MCC: variants seen among roughly 807,000 people sequenced by gnomAD.
MCC encodes MCC regulator of Wnt signaling pathway.
In MCC, 90 loss-of-function variants were observed where a neutral mutation model predicts 116.2. The ratio of observed to expected loss-of-function variants is 0.77; its 90% CI spans 0.65 to 0.92. The LOEUF (loss-of-function observed/expected upper bound fraction) is 0.92, where lower values mean the gene tolerates loss of function less well. MCC is among the 40% of genes least tolerant of loss of function. MCC has a pLI of 0.00. For synonymous variants in MCC, 578 were observed against 510.5 expected, an observed-to-expected ratio of 1.13 and a Z score of -1.78; for missense variants, 1,516 against 1,312.2, an observed-to-expected ratio of 1.16 and a Z score of -2.40.
intron 3 of MCC, among the ~76,000 whole-genome samples, chr5:113,325,428 C>CTTTT (rs34751344): frequency 2.9e-5 from 4 of 137,712 alleles, no homozygotes; most frequent in Admixed American, 1.5e-4. Flanking sequence ...TCTCGCAGCA[C>CTTTT]TTTTTTTTTT....
intron 1 of MCC, among the ~76,000 whole-genome samples, chr5:113,461,742 A>T (rs1248368592): frequency 1.1e-5 from 1 of 87,716 alleles, no homozygotes; most frequent in Non-Finnish European, 2.1e-5. Flanking sequence ...AACTTGCACC[A>T]GTAAAAAAAA....
intron 1 of MCC, among the ~76,000 whole-genome samples, chr5:113,455,005 G>A (rs1771504208): frequency 6.6e-6 from 1 of 152,108 alleles, no homozygotes; most frequent in African/African-American, 2.4e-5. Flanking sequence ...AGGCTCCAGG[G>A]TAAAATCCAA....
chr5:113,417,148 T>G (rs1770174570), intron 1 of MCC, among the ~76,000 whole-genome samples: 1 of 152,098 alleles, frequency 6.6e-6, no homozygotes, highest in African/African-American at 2.4e-5. Context: ...CTTTCGTATT[T>G]TAGGAGAGAC....
In MCC at chr5:113,117,439, G is replaced by A. The variant is rs557366787; in HGVS notation, c.1027+5245C>T. Among the ~76,000 whole-genome samples the A allele has an allele frequency of 9.0e-4, 137 of 152,344 alleles. 1 individual carries two copies. The highest frequency in any genetic ancestry group is 3.1e-3 in the African/African-American group (130 of 41,586). On this transcript the variant is annotated intron_variant, in intron 6 of 18. Transcript: ENST00000408903. ...TATTCTATGCATAGGACACCTTGCGGGTATAAGAGTAGATTTCAACCCTAA... is the reference window on the plus strand; with the variant it reads ...TATTCTATGCATAGGACACCTTGCGAGTATAAGAGTAGATTTCAACCCTAA...
At chr5:113,062,435 G>A (rs1375325844) in intron 14 of MCC, among the ~76,000 whole-genome samples, 1 of 152,160 alleles carries the variant, frequency 6.6e-6, no homozygotes, top group Non-Finnish European at 1.5e-5. Context: ...CATTCTTTTT[G>A]GGGGTAGGGA....
intron 18 of MCC, 71 bp from the exon 19 acceptor site, chr5:113,027,553 T>A: frequency 7.3e-7 from 1 of 1,364,206 alleles, no homozygotes; most frequent in Non-Finnish European, 1.0e-6. Flanking sequence ...TCCTGTCCAC[T>A]GGATAACCAG....
intron 5 of MCC, among the ~76,000 whole-genome samples, chr5:113,133,747 T>C (rs943507194): frequency 2.2e-4 from 33 of 152,170 alleles, no homozygotes; most frequent in African/African-American, 6.3e-4. Context: ...CTGCCAAGAG[T>C]GTATGAGACT....
chr5:113,272,908 C>T (rs1765669750), intron 3 of MCC, among the ~76,000 whole-genome samples: 1 of 152,170 alleles, frequency 6.6e-6, no homozygotes, highest in African/African-American at 2.4e-5. Flanking sequence ...CGTGGGTAGG[C>T]AGCACAGAAT....
chr5:113,030,966 C>T (rs376558136), intron 17 of MCC, among the ~76,000 whole-genome samples: 4 of 152,126 alleles, frequency 2.6e-5, no homozygotes, highest in Non-Finnish European at 2.9e-5. Context: ...CATGTAGGAA[C>T]GGCATGGGAA....
At chr5:113,411,337 T>G (rs868052904) in intron 1 of MCC, among the ~76,000 whole-genome samples, 1 of 152,222 alleles carries the variant, frequency 6.6e-6, no homozygotes, top group African/African-American at 2.4e-5. Context: ...TGGTTTTGAT[T>G]TGCATTTCTC....
chr5:113,415,581 C>T lies in MCC; in HGVS notation c.171-30369G>A, dbSNP rs568687274. ...AATTGGCTATTAAATCTTGTGCATG[C>T]GTCACGTAGTTCTCGTGCCATGGTT... On this transcript the variant is annotated intron_variant, in intron 1 of 18. Coordinates refer to ENST00000408903, the MANE Select transcript of MCC (RefSeq NM_001085377.2). Among the ~76,000 whole-genome samples, 30 of 152,276 alleles carry T rather than the reference C, an allele frequency of 2.0e-4. 1 individual carries two copies. The highest frequency in any genetic ancestry group is 1.5e-3 in the Admixed American group (23 of 15,282).
At chr5:113,147,178 A>T (rs1759574250) in intron 4 of MCC, among the ~76,000 whole-genome samples, 1 of 152,222 alleles carries the variant, frequency 6.6e-6, no homozygotes, top group African/African-American at 2.4e-5. Context: ...TAGCCACATA[A>T]ATTGGTGAAA....
chr5:113,391,807 A>G (rs965865309), intron 1 of MCC, among the ~76,000 whole-genome samples: 1 of 151,932 alleles, frequency 6.6e-6, no homozygotes, highest in African/African-American at 2.4e-5. Context: ...GAGAACTAGA[A>G]GCACAAATGG....
At position 113,053,961 on chromosome 5, in the gene MCC, TGAGA is replaced by T. The variant is rs1186029623; in HGVS notation, c.2214-6_2214-3del. On this transcript the variant is annotated splice_region_variant and splice_polypyrimidine_tract_variant and intron_variant, in intron 14 of 18. Coordinates refer to ENST00000408903, the MANE Select transcript of MCC (RefSeq NM_001085377.2). ...CTACTGGCTGTGGAGCTGGTTGTGC[TGAGA>T]AAGAAGAAAAACAAAGACCCACCAC... 3 of 1,606,404 alleles carry T rather than the reference TGAGA, an allele frequency of 1.9e-6. No individual in the cohort carries two copies. The highest frequency in any genetic ancestry group is 4.5e-5 in the East Asian group (2 of 44,666).
intron 3 of MCC, among the ~76,000 whole-genome samples, chr5:113,312,535 TAGA>T (rs1767160760): frequency 6.6e-6 from 1 of 152,108 alleles, no homozygotes; most frequent in Non-Finnish European, 1.5e-5. Context: ...CTGAGTTACT[TAGA>T]AGGTCAATGC....
rs145405558 is a variant in MCC at position 113,264,831 on chromosome 5, T to C, written c.627+75688A>G. 5.7e-3 allele frequency among the ~76,000 whole-genome samples: 874 copies of C among 152,104 alleles called. 6 individuals carry two copies. Among genetic ancestry groups the C allele is most frequent in the African/African-American group, 0.019 (803 of 41,508 alleles). ...GTCGAAGTGGGCAGATCACCTGAGG[T>C]TAGGAGTTTGAGACCAGCCTGGCCA... On this transcript the variant is annotated intron_variant, in intron 3 of 18. Coordinates refer to ENST00000408903, the MANE Select transcript of MCC (RefSeq NM_001085377.2).
intron 2 of MCC, among the ~76,000 whole-genome samples, chr5:113,347,185 CAG>C (rs1032822177): frequency 1.3e-5 from 2 of 152,060 alleles, no homozygotes; most frequent in African/African-American, 2.4e-5. Flanking sequence ...CAGGAAAAGA[CAG>C]AATATTATAA....
intron 8 of MCC, 127 bp downstream of exon 8, chr5:113,101,612 A>G: frequency 1.1e-6 from 1 of 901,894 alleles, no homozygotes; most frequent in Middle Eastern, 3.2e-4. Context: ...TCATAACAGG[A>G]AAGAGACAGT....
intron 3 of MCC, among the ~76,000 whole-genome samples, chr5:113,225,077 CTTTA>C (rs1260615176): frequency 6.6e-6 from 1 of 152,184 alleles, no homozygotes; most frequent in Non-Finnish European, 1.5e-5. Flanking sequence ...CTGTGTAATA[CTTTA>C]TTTATCATCC....
Sources: gnomAD v4.1 joint callset for allele counts (sites outside exome capture counted in the v4.1 genomes callset) on GRCh38, gnomAD v4.1.1 for gene constraint, MANE v1.5 for transcripts, NCBI Gene and HGNC (gene_info 2026-07-23, HGNC 2026-07-21) for gene names.